The following EBNA1BP2 variants were observed in gnomAD, a reference collection of about 807,000 sequenced individuals.
EBNA1BP2 encodes the protein probable rRNA-processing protein EBP2.
EBNA1BP2 carries 36 observed loss-of-function variants against 43.5 expected under a neutral mutation model. The observed-to-expected ratio is 0.83, with a 90% confidence interval of 0.63 to 1.09. The LOEUF is 1.09. Among genes scored for constraint, EBNA1BP2 ranks in the 50% least tolerant of loss-of-function variants. The pLI is 0.00. For missense variants in EBNA1BP2, 332 were observed against 379.1 expected (o/e 0.88, Z 1.03); for synonymous variants, 127 against 141.3 (o/e 0.90, Z 0.72).
At chr1:43,165,835 T>C (rs1215867845) in intron 7 of EBNA1BP2, among the ~76,000 whole-genome samples, 1 of 152,144 alleles carries the variant, frequency 6.6e-6, no homozygotes, top group African/African-American at 2.4e-5. Context: ...TCGTTCAAGC[T>C]CTTACTTCTT....
chr1:43,167,999 T>C (rs1038983167), intron 5 of EBNA1BP2, among the ~76,000 whole-genome samples: 1 of 152,228 alleles, frequency 6.6e-6, no homozygotes, highest in African/African-American at 2.4e-5. Context: ...TTCCCCAGTG[T>C]TTCCTTAAAT....
chr1:43,171,458 A>G, intron 3 of EBNA1BP2, 21 bp downstream of exon 3: 1 of 1,591,928 alleles, frequency 6.3e-7, no homozygotes, highest in Middle Eastern at 1.7e-4. Context: ...CAACTTCTCC[A>G]ACATTTGAAA....
rs868080202 is a variant in EBNA1BP2 at position 43,168,263 on chromosome 1, C to T, written c.537+676G>A. Among the ~76,000 whole-genome samples, 4 of 152,290 alleles carry T rather than the reference C, an allele frequency of 2.6e-5. 1 individual carries two copies. The highest frequency in any genetic ancestry group is 6.8e-3 in the Middle Eastern group (2 of 294). Reference sequence around the variant, plus strand: ...AGCCCAGATCACAAGTGCTTATGTCCAAATGTTGACGAAGTCTTAACACCC... The same window carrying T: ...AGCCCAGATCACAAGTGCTTATGTCTAAATGTTGACGAAGTCTTAACACCC... On this transcript the variant is annotated intron_variant, in intron 5 of 8. Coordinates refer to ENST00000236051, the MANE Select transcript of EBNA1BP2 (RefSeq NM_006824.3).
In EBNA1BP2 at chr1:43,172,093, G is replaced by C; in HGVS notation, c.26C>G (p.Ser9Trp). MDTPPLSD[S>W]ESESDESLVT... ...AAGGGATTCATCGGATTCCGACTCC[G>C]AATCCGAGAGCGGGGGAGTGTCCAT... Residue 9 changes from serine (S) to tryptophan (W), a missense_variant, in exon 1 of 9, where the codon TCG (serine) becomes TGG (tryptophan). Transcript: ENST00000236051. 1.2e-6 allele frequency: 2 copies of C among 1,614,180 alleles called. No homozygotes were observed. The highest frequency in any genetic ancestry group is 2.2e-5 in the East Asian group (1 of 44,874).
upstream of EBNA1BP2, chr1:43,172,410 C>T (rs1486742063): frequency 1.3e-5 from 20 of 1,551,418 alleles, no homozygotes; most frequent in Non-Finnish European, 1.7e-5. Context: ...CAGGTAGCGC[C>T]TCTGGATACA....
chr1:43,164,297 C>CAAAG lies in EBNA1BP2; in HGVS notation c.*142_*145dup. 3.4e-6 allele frequency: 3 copies of CAAAG among 885,400 alleles called. No individual in the cohort carries two copies. Among genetic ancestry groups the CAAAG allele is most frequent in the Non-Finnish European group, 5.2e-6 (3 of 576,442 alleles). 54.8% of individuals were successfully genotyped at this position (885,400 alleles called of 1,614,324 possible). On this transcript the variant is annotated 3_prime_UTR_variant, in exon 9 of 9. Coordinates refer to ENST00000236051, the MANE Select transcript of EBNA1BP2 (RefSeq NM_006824.3). ...AATCTTTTAGTCTAGACTATTTAAC[C>CAAAG]AAAGGTATGTGTTCCTTTAATAATT... is the stretch of plus-strand genomic sequence containing the variant.
intron 3 of EBNA1BP2, 108 bp from the exon 4 acceptor site, chr1:43,170,987 A>G: frequency 7.1e-7 from 1 of 1,408,592 alleles, no homozygotes; most frequent in South Asian, 1.6e-5. Flanking sequence ...TCAAAATCTG[A>G]CCTCCATTAG....
chr1:43,170,966 C>G (rs879212420), intron 3 of EBNA1BP2, 87 bp from the exon 4 acceptor site: 2 of 1,442,476 alleles, frequency 1.4e-6, no homozygotes, highest in Non-Finnish European at 1.8e-6. Context: ...TATCCAAGCT[C>G]AGAAGGACTC....
intron 2 of EBNA1BP2, 50 bp from the exon 3 acceptor site, chr1:43,171,701 T>C: frequency 6.3e-7 from 1 of 1,599,348 alleles, no homozygotes; most frequent in Non-Finnish European, 8.5e-7. Context: ...TGAGTTTGTC[T>C]TTCCCAAGCA....
Position 43,172,285 on chromosome 1 carries a change from C to G in EBNA1BP2, c.-167G>C, listed in dbSNP as rs1178513722. ...CTCCAGCGCCAGCAACTCACAGCTACTGCTCAACTTTTGATTGGGACTTCC... is the reference window on the plus strand; with the variant it reads ...CTCCAGCGCCAGCAACTCACAGCTAGTGCTCAACTTTTGATTGGGACTTCC... On this transcript the variant is annotated 5_prime_UTR_variant, in exon 1 of 9. Transcript: ENST00000236051. 1.3e-6 allele frequency: 2 copies of G among 1,552,296 alleles called. No individual in the cohort carries two copies. Among genetic ancestry groups the G allele is most frequent in the Non-Finnish European group, 1.7e-6 (2 of 1,147,304 alleles).
chr1:43,169,694 T>G (rs1030631742), intron 4 of EBNA1BP2, among the ~76,000 whole-genome samples: 1 of 152,160 alleles, frequency 6.6e-6, no homozygotes, highest in African/African-American at 2.4e-5. Context: ...TCGCCTCCAG[T>G]ATCCTTTAAA....
chr1:43,171,410 A>C, intron 3 of EBNA1BP2, 69 bp downstream of exon 3: 55 of 1,492,982 alleles, frequency 3.7e-5, no homozygotes, highest in Non-Finnish European at 4.8e-5. Flanking sequence ...CAGACTTACT[A>C]ATTTCCCCTC....
intron 1 of EBNA1BP2, 25 bp from the exon 2 acceptor site, chr1:43,171,994 C>T: frequency 6.2e-7 from 1 of 1,614,172 alleles, no homozygotes; most frequent in Non-Finnish European, 8.5e-7. Context: ...CACGGTCACT[C>T]CCAGGGGTGT....
intron 7 of EBNA1BP2, among the ~76,000 whole-genome samples, chr1:43,165,674 A>C (rs1418810142): frequency 6.6e-6 from 1 of 152,162 alleles, no homozygotes; most frequent in Non-Finnish European, 1.5e-5. Context: ...CTGCCTTCTG[A>C]CAAAGCCCAA....
chr1:43,171,959 G>A lies in EBNA1BP2; in HGVS notation c.77C>T (p.Ala26Val), dbSNP rs199803937. 1 of 1,614,142 alleles carries A rather than the reference G, an allele frequency of 6.2e-7. No individual in the cohort carries two copies. Among genetic ancestry groups the A allele is most frequent in the East Asian group, 2.2e-5 (1 of 44,862 alleles). ...SLVTDRELQD[A>V]FSRGLLKPGL... is the part of the protein sequence containing the mutation. ...TGGCTTCAGAAGCCCTCGGGAAAAC[G>A]CATCCTGCAACTGCAGGACACAATC... The change falls in exon 2 of 9, where the codon GCG becomes GTG. Residue 26 changes from alanine (A) to valine (V), a missense_variant. By Grantham distance (64) the Ala-to-Val change is moderately conservative. Coordinates refer to ENST00000236051, the MANE Select transcript of EBNA1BP2 (RefSeq NM_006824.3).
In EBNA1BP2 at chr1:43,172,187, G is replaced by C. The variant is rs1350759842; in HGVS notation, c.-69C>G. The C allele has an allele frequency of 6.2e-7, 1 of 1,605,942 alleles. No individual in the cohort carries two copies. The highest frequency in any genetic ancestry group is 1.3e-5 in the African/African-American group (1 of 74,736). ...TCCCGAGACCCAAGCGGCTAGCAGA[G>C]GGCGGCCCTGGCCGCTGCTGCCTGC... On this transcript the variant is annotated 5_prime_UTR_variant, in exon 1 of 9. Coordinates refer to ENST00000236051, the MANE Select transcript of EBNA1BP2 (RefSeq NM_006824.3).
At chr1:43,172,548 G>T, upstream of EBNA1BP2, 1 of 1,028,600 alleles carries the variant, frequency 9.7e-7, no homozygotes, top group Non-Finnish European at 1.4e-6. Context: ...GTGGGGTGGC[G>T]CGGAGGAGGA....
intron 2 of EBNA1BP2, 31 bp from the exon 3 acceptor site, chr1:43,171,682 A>G (rs1365719563): frequency 6.2e-7 from 1 of 1,606,820 alleles, no homozygotes; most frequent in Non-Finnish European, 8.5e-7. Context: ...GCTCACAAGA[A>G]GGGAACTCTG....
At chr1:43,168,797 AATACCAGCAC>A in intron 5 of EBNA1BP2, 132 bp downstream of exon 5, 1 of 864,560 alleles carries the variant, frequency 1.2e-6, no homozygotes, top group Non-Finnish European at 1.9e-6. Flanking sequence ...TGTGCTCATG[AATACCAGCAC>A]ATACACTGAG....
Sources: gnomAD v4.1 joint callset for allele counts (sites outside exome capture counted in the v4.1 genomes callset) on GRCh38, gnomAD v4.1.1 for gene constraint, MANE v1.5 for transcripts, NCBI Gene and HGNC (gene_info 2026-07-23, HGNC 2026-07-21) for gene names.